Variants in ZFC3H1 observed in about 807,000 individuals in gnomAD.
ZFC3H1 encodes the protein zinc finger C3H1 domain-containing protein.
In ZFC3H1, 71 loss-of-function variants were observed where a neutral mutation model predicts 243.7. That is an observed-to-expected ratio of 0.29 (90% CI 0.24 to 0.36). ZFC3H1 has a LOEUF of 0.36. Among genes scored for constraint, ZFC3H1 ranks in the 10% least tolerant of loss-of-function variants. ZFC3H1 has a pLI of 1.00. For missense variants in ZFC3H1, 1,966 were observed against 2,317.1 expected (o/e 0.85, Z 3.11); for synonymous variants, 838 against 813.0 (o/e 1.03, Z -0.52).
At chr12:71,634,462 T>C (rs1250063902) in intron 11 of ZFC3H1, among the ~76,000 whole-genome samples, 158 bp from the exon 12 acceptor site, 1 of 152,214 alleles carries the variant, frequency 6.6e-6, no homozygotes, top group Non-Finnish European at 1.5e-5. Context: ...TCAAAGTTGA[T>C]AGTGGAGTCC....
intron 27 of ZFC3H1, among the ~76,000 whole-genome samples, 195 bp from the exon 28 acceptor site, chr12:71,615,511 T>A (rs2137515240): frequency 6.6e-6 from 1 of 152,260 alleles, no homozygotes; most frequent in South Asian, 2.1e-4. Flanking sequence ...CAAAATGCTT[T>A]TTTTTGTTTG....
intron 21 of ZFC3H1, among the ~76,000 whole-genome samples, chr12:71,627,138 A>C (rs1230274595): frequency 6.2e-5 from 9 of 146,144 alleles, no homozygotes; most frequent in Non-Finnish European, 1.4e-4. Flanking sequence ...AAAAAAAAAA[A>C]CCCTTGAATT....
chr12:71,635,270 A>T (rs1451852833), intron 10 of ZFC3H1, among the ~76,000 whole-genome samples, 173 bp downstream of exon 10: 1 of 152,182 alleles, frequency 6.6e-6, no homozygotes, highest in Non-Finnish European at 1.5e-5. Context: ...AAATCAATCT[A>T]CATTGATACA....
chr12:71,636,571 G>C lies in ZFC3H1; in HGVS notation c.2019C>G (p.Val673=). 8.1e-6 allele frequency: 13 copies of C among 1,613,916 alleles called. No individual in the cohort carries two copies. Among genetic ancestry groups the C allele is most frequent in the Non-Finnish European group, 1.1e-5 (13 of 1,179,864 alleles). ...TAGGCTGAGACACTGTGTTAATACT[G>C]ACTATTGATAGATTGCTTCTTGGCA... The part of the protein sequence containing the change: ...HPVPRSNLSI[V]SINTVSQPRI... Residue 673 remains valine (V), a synonymous_variant, in exon 9 of 35, where the codon GTC becomes GTG. Transcript: ENST00000378743.
In ZFC3H1 at chr12:71,661,329, ATACACATATATATGCTTAAATAGCC is replaced by A. The variant is rs1275555230; in HGVS notation, c.598+1659_598+1683del. ...ATAAATAAATAAATAAATAAAAACC[ATACACATATATATGCTTAAATAGCC>A]TTTCTGGCTTTTGGATTCAAAATAG... On this transcript the variant is annotated intron_variant, in intron 1 of 34. Transcript: ENST00000378743. 1.2e-4 allele frequency among the ~76,000 whole-genome samples: 19 copies of A among 152,100 alleles called. No homozygotes were observed. In the East Asian group the frequency reaches 3.7e-3, roughly 29 times the overall value.
Position 71,663,769 on chromosome 12 carries a change from AC to A in ZFC3H1, c.-160del. 1.3e-6 allele frequency: 1 copy of A among 786,782 alleles called. No individual in the cohort carries two copies. Among genetic ancestry groups the A allele is most frequent in the Non-Finnish European group, 2.0e-6 (1 of 501,784 alleles). 48.7% of individuals were successfully genotyped at this position (786,782 alleles called of 1,614,324 possible). Reference sequence around the variant, plus strand: ...CTCCCCAACTTCCCCGCACCCCAGCACCCCAGCTCTCTCTCGCCGGACCGTC... The same window carrying A: ...CTCCCCAACTTCCCCGCACCCCAGCACCCAGCTCTCTCTCGCCGGACCGTC... On this transcript the variant is annotated 5_prime_UTR_variant, in exon 1 of 35. Transcript: ENST00000378743.
chr12:71,642,290 A>T, intron 6 of ZFC3H1, 146 bp downstream of exon 6: 1 of 867,640 alleles, frequency 1.2e-6, no homozygotes, highest in Non-Finnish European at 1.6e-6. Context: ...CTAAGTATTT[A>T]CAACAACAAA....
chr12:71,616,205 G>A (rs2137516050), intron 27 of ZFC3H1, among the ~76,000 whole-genome samples: 1 of 152,232 alleles, frequency 6.6e-6, no homozygotes, highest in Middle Eastern at 3.4e-3. Flanking sequence ...GCTGAGGTGG[G>A]AGAATAGCTT....
In ZFC3H1 at chr12:71,637,155, CATT is replaced by C. The variant is rs566169603; in HGVS notation, c.1726-99_1726-97del. 4.0e-3 allele frequency: 4,405 copies of C among 1,089,972 alleles called. 13 individuals carry two copies. The highest frequency in any genetic ancestry group is 5.0e-3 in the Non-Finnish European group (3,867 of 773,808). The allele number at this position is 1,089,972 out of a possible 1,614,324, so 67.5% of individuals were successfully genotyped here. On this transcript the variant is annotated intron_variant, in intron 7 of 34. Transcript: ENST00000378743. Reference sequence around the variant, plus strand: ...TTAAACTAGAAAAAAATAAACTTTACATTATTATTTTAGCTGTAAATATAGTAA... The same window carrying C: ...TTAAACTAGAAAAAAATAAACTTTACATTATTTTAGCTGTAAATATAGTAA...
At chr12:71,647,042 G>GT (rs768052644) in intron 3 of ZFC3H1, among the ~76,000 whole-genome samples, 1 of 152,242 alleles carries the variant, frequency 6.6e-6, no homozygotes, top group African/African-American at 2.4e-5. Context: ...TAAAAAATGT[G>GT]TATGTGTACG....
chr12:71,663,407 T>TCCGCCAGATCCACCGCCC lies in ZFC3H1; in HGVS notation c.186_203dup (p.Gly67_Ser72dup). Reference sequence around the variant, plus strand: ...ACGATGACGAGGAAGAGCCACCGCCTCCGCCAGATCCACCGCCCCGGGCCG... The same window carrying TCCGCCAGATCCACCGCCC: ...ACGATGACGAGGAAGAGCCACCGCCTCCGCCAGATCCACCGCCCCCGCCAGATCCACCGCCCCGGGCCG... On this transcript the variant is annotated inframe_insertion, in exon 1 of 35. Coordinates refer to ENST00000378743, the MANE Select transcript of ZFC3H1 (RefSeq NM_144982.5). 6 of 1,611,748 alleles carry TCCGCCAGATCCACCGCCC rather than the reference T, an allele frequency of 3.7e-6. No homozygotes were observed. The highest frequency in any genetic ancestry group is 2.2e-5 in the South Asian group (2 of 91,086).
At chr12:71,619,431 G>A in intron 26 of ZFC3H1, 22 bp from the exon 27 acceptor site, 1 of 1,599,420 alleles carries the variant, frequency 6.3e-7, no homozygotes, top group Non-Finnish European at 8.6e-7. Context: ...AGAGGGAGGG[G>A]GATATATATC....
rs992431615 is a variant in ZFC3H1 at position 71,650,136 on chromosome 12, C to T, written c.1016-2323G>A. 2.6e-4 allele frequency among the ~76,000 whole-genome samples: 39 copies of T among 151,752 alleles called. 1 individual carries two copies. Among genetic ancestry groups the T allele is most frequent in the Admixed American group, 1.8e-3 (28 of 15,240 alleles). On this transcript the variant is annotated intron_variant, in intron 2 of 34. Coordinates refer to ENST00000378743, the MANE Select transcript of ZFC3H1 (RefSeq NM_144982.5). The stretch of plus-strand genomic sequence containing the variant: ...CTGGGAGGTGGAGCCTGCCGTGAGC[C>T]GAGATCACGCCACTGCACTCCAGCC...
chr12:71,656,296 A>G, intron 2 of ZFC3H1: 1 of 358,966 alleles, frequency 2.8e-6, no homozygotes, highest in Non-Finnish European at 4.9e-6. Flanking sequence ...CTGTATATAA[A>G]TTATATCTTA....
At chr12:71,618,380 C>T (rs778821632) in intron 27 of ZFC3H1, among the ~76,000 whole-genome samples, 109 of 151,850 alleles carry the variant, frequency 7.2e-4, no homozygotes, top group Middle Eastern at 3.4e-3. Flanking sequence ...TCTGTATTTT[C>T]TACAAGAAAT....
intron 9 of ZFC3H1, 105 bp from the exon 10 acceptor site, chr12:71,635,685 G>A (rs1880441008): frequency 3.3e-5 from 38 of 1,142,296 alleles, no homozygotes; most frequent in Non-Finnish European, 2.4e-5. Flanking sequence ...ACAGTCTATG[G>A]CTCCTTCTAG....
Position 71,663,837 on chromosome 12 carries a change from G to A in ZFC3H1, c.-227C>T. ...TCCTAGCGCCCCCTTGCTCCTCAGC[G>A]ATCGGGGTTCTTCCGCCTCGCGAGA... On this transcript the variant is annotated 5_prime_UTR_variant, in exon 1 of 35. Coordinates refer to ENST00000378743, the MANE Select transcript of ZFC3H1 (RefSeq NM_144982.5). 3 of 577,794 alleles carry A rather than the reference G, an allele frequency of 5.2e-6. No individual in the cohort carries two copies. Among genetic ancestry groups the A allele is most frequent in the East Asian group, 2.9e-5 (1 of 34,614 alleles). 35.8% of individuals were successfully genotyped at this position (577,794 alleles called of 1,614,324 possible).
In ZFC3H1 at chr12:71,663,099, C is replaced by G. The variant is rs1565834922; in HGVS notation, c.512G>C (p.Gly171Ala). The G allele has an allele frequency of 1.9e-6, 3 of 1,613,976 alleles. No individual in the cohort carries two copies. The highest frequency in any genetic ancestry group is 2.5e-6 in the Non-Finnish European group (3 of 1,180,042). Residue 171 changes from glycine to alanine, a missense_variant, in exon 1 of 35, where the codon GGG becomes GCG. By Grantham distance (60) the Gly-to-Ala change is moderately conservative (BLOSUM62 0). Transcript: ENST00000378743. ...RGVGERGGKP[G>A]CRPPLGGGAG... ...TCCTCCTCCCAGAGGAGGTCTGCAC[C>G]CCGGCTTGCCTCCTCGCTCACCCAC...
chr12:71,622,471 C>CT (rs1324367045), intron 24 of ZFC3H1, among the ~76,000 whole-genome samples: 2 of 148,200 alleles, frequency 1.3e-5, no homozygotes, highest in South Asian at 2.1e-4. Flanking sequence ...TTTTTTTTTT[C>CT]TTTTTTTTAG....
Sources: gnomAD v4.1 joint callset for allele counts (sites outside exome capture counted in the v4.1 genomes callset) on GRCh38, gnomAD v4.1.1 for gene constraint, MANE v1.5 for transcripts, NCBI Gene and HGNC (gene_info 2026-07-23, HGNC 2026-07-21) for gene names.